NUDT19: variants seen among roughly 807,000 people sequenced by gnomAD.
NUDT19 encodes acyl-coenzyme A diphosphatase NUDT19.
A neutral mutation model predicts 22.2 loss-of-function variants in NUDT19; 31 were observed. That is an observed-to-expected ratio of 1.40 (90% CI 1.05 to 1.89). The LOEUF is 1.89. NUDT19 is among the 40% of genes most tolerant of loss of function. The pLI is 0.00. For synonymous variants in NUDT19, 325 were observed against 230.8 expected (o/e 1.41, Z -3.70); for missense variants, 752 against 514.2 (o/e 1.46, Z -4.47).
intron 1 of NUDT19, among the ~76,000 whole-genome samples, chr19:32,703,159 G>A (rs908927437): frequency 2.6e-5 from 4 of 151,076 alleles, no homozygotes; most frequent in African/African-American, 4.9e-5. Context: ...ACGCCACCAC[G>A]CCCAGCTGAT....
At chr19:32,701,791 G>T (rs1298765281) in intron 1 of NUDT19, among the ~76,000 whole-genome samples, 7 of 152,228 alleles carry the variant, frequency 4.6e-5, no homozygotes, top group Admixed American at 2.0e-4. Context: ...TAGCCCCTCT[G>T]ACTTTCTTTT....
At chr19:32,696,667 G>A (rs1968267469) in intron 1 of NUDT19, among the ~76,000 whole-genome samples, 1 of 152,152 alleles carries the variant, frequency 6.6e-6, no homozygotes, top group Admixed American at 6.6e-5. Flanking sequence ...GGACTTTCAG[G>A]CATAACAAGA....
At chr19:32,709,122 T>G (rs1968418385) in intron 1 of NUDT19, 63 bp from the exon 2 acceptor site, 4 of 1,102,992 alleles carry the variant, frequency 3.6e-6, no homozygotes, top group Non-Finnish European at 4.2e-6. Flanking sequence ...CTGGTCTGAC[T>G]GTCTCAAGTC....
chr19:32,692,567 C>T lies in NUDT19; in HGVS notation c.607C>T (p.Pro203Ser), dbSNP rs1968207703. Residue 203 changes from proline (P) to serine (S), a missense_variant, in exon 1 of 3, where the codon CCT becomes TCT. Physicochemically the swap from Pro to Ser is moderately conservative, Grantham distance 74 (BLOSUM62 -1). Coordinates refer to ENST00000397061, the MANE Select transcript of NUDT19 (RefSeq NM_001105570.2). ...GCACAACTGGAGCGCCTGGCTCACC[C>T]CTTTCTTGCGGGGCACCACTCGCCG... ...ALHNWSAWLTPFLRGTTRRFD... is the reference protein window; with the variant it reads ...ALHNWSAWLTSFLRGTTRRFD... 1.3e-6 allele frequency: 2 copies of T among 1,597,374 alleles called. No homozygotes were observed. The highest frequency in any genetic ancestry group is 1.7e-6 in the Non-Finnish European group (2 of 1,173,980).
At position 32,700,591 on chromosome 19, in the gene NUDT19, G is replaced by T. The variant is rs912329162; in HGVS notation, c.714+7917G>T. Among the ~76,000 whole-genome samples the T allele has an allele frequency of 2.6e-5, 4 of 152,144 alleles. No homozygotes were observed. In the East Asian group the frequency reaches 7.7e-4, roughly 29 times the overall value. On this transcript the variant is annotated intron_variant, in intron 1 of 2. Transcript: ENST00000397061. ...CCCACAGGCACCTGCAACCACGCTT[G>T]GCTAATTGTTTTATTTTTTGTAGAG... is the stretch of plus-strand genomic sequence containing the variant.
At chr19:32,704,891 G>A (rs1968371409) in intron 1 of NUDT19, among the ~76,000 whole-genome samples, 1 of 151,594 alleles carries the variant, frequency 6.6e-6, no homozygotes, top group Non-Finnish European at 1.5e-5. Flanking sequence ...TAGATCACCT[G>A]AGGTCAGAAG....
rs1968420011 is a variant in NUDT19 at position 32,709,241 on chromosome 19, AC to A, written c.776del (p.Pro259HisfsTer6). ...SFLSKEIWLPPPQFYEVRRLA... is the reference protein window; with the variant it reads ...SFLSKEIWLPXPQFYEVRRLA... The stretch of plus-strand genomic sequence containing the variant: ...TCTTATCAAAAGAAATTTGGTTGCC[AC>A]CCCCACAGTTCTACGAAGTGAGAAG... On this transcript the variant is annotated frameshift_variant, in exon 2 of 3. Transcript: ENST00000397061. LOFTEE classifies it high-confidence loss of function. The A allele has an allele frequency of 1.9e-6, 3 of 1,614,092 alleles. No individual in the cohort carries two copies. Among genetic ancestry groups the A allele is most frequent in the South Asian group, 2.2e-5 (2 of 91,082 alleles).
intron 2 of NUDT19, among the ~76,000 whole-genome samples, chr19:32,710,930 GA>G (rs1968440812): frequency 6.6e-6 from 1 of 152,000 alleles, no homozygotes; most frequent in African/African-American, 2.4e-5. Flanking sequence ...CCTACAGTGG[GA>G]AAATTTAGCA....
chr19:32,692,344 C>T lies in NUDT19; in HGVS notation c.384C>T (p.Ala128=). The T allele has an allele frequency of 6.3e-7, 1 of 1,591,174 alleles. No individual in the cohort carries two copies. The highest frequency in any genetic ancestry group is 8.5e-7 in the Non-Finnish European group (1 of 1,176,720). Residue 128 remains alanine (A), a synonymous_variant, in exon 1 of 3, where the codon GCC becomes GCT. Coordinates refer to ENST00000397061, the MANE Select transcript of NUDT19 (RefSeq NM_001105570.2). ...AGGACGTAGCCTTCCGCATCTGCGC[C>T]GTGCGGGAGGCCTTTGAGGAGGCGG... ...LPEDVAFRIC[A]VREAFEEAGV... is the part of the protein sequence containing the mutation.
rs772816501 is a variant in NUDT19 at position 32,711,843 on chromosome 19, G to A, written c.1014G>A (p.Gln338=). ...AGGAAATCATGAAGGAAGGCAAGCA[G>A]TTTCACCGGATAGTGACATACCATC... ...KTEEIMKEGK[Q]FHRIVTYHRH... is the part of the protein sequence containing the mutation. The change falls in exon 3 of 3, where the codon CAG becomes CAA. Residue 338 remains glutamine, a synonymous_variant. Coordinates refer to ENST00000397061, the MANE Select transcript of NUDT19 (RefSeq NM_001105570.2). 5 of 1,613,668 alleles carry A rather than the reference G, an allele frequency of 3.1e-6. No individual in the cohort carries two copies. The East Asian group carries it at 8.9e-5, about 29-fold the overall frequency.
Position 32,691,980 on chromosome 19 carries a change from CG to C in NUDT19, c.23del (p.Gly8AlafsTer115). ...CGCGCCATGAGCAGCTCCCTGCGGC[CG>C]GGCCCCAGCCGCTGGCGGCGGGCGG... MSSSLRPGPSRWRRAAS... is the reference protein window; with the variant it reads MSSSLRXGPSRWRRAAS... On this transcript the variant is annotated frameshift_variant, in exon 1 of 3. Coordinates refer to ENST00000397061, the MANE Select transcript of NUDT19 (RefSeq NM_001105570.2). LOFTEE classifies it high-confidence loss of function. The C allele has an allele frequency of 1.6e-6, 2 of 1,232,794 alleles. No homozygotes were observed. Among genetic ancestry groups the C allele is most frequent in the Non-Finnish European group, 1.0e-6 (1 of 990,042 alleles). 76.4% of individuals were successfully genotyped at this position (1,232,794 alleles called of 1,614,324 possible). A position where few individuals can be genotyped will look rare whatever the true frequency, so the allele number is the denominator to read the frequency against.
intron 1 of NUDT19, among the ~76,000 whole-genome samples, chr19:32,698,277 G>A (rs1032167175): frequency 3.3e-5 from 5 of 152,116 alleles, no homozygotes; most frequent in Non-Finnish European, 7.4e-5. Flanking sequence ...GAGAAATTGG[G>A]GCCAGGCTGT....
At chr19:32,707,903 A>G (rs891586920) in intron 1 of NUDT19, among the ~76,000 whole-genome samples, 11 of 151,250 alleles carry the variant, frequency 7.3e-5, no homozygotes, top group Admixed American at 6.6e-4. Flanking sequence ...GCATGAACCC[A>G]GGAGGCAGAG....
At chr19:32,695,565 C>T (rs923492444) in intron 1 of NUDT19, among the ~76,000 whole-genome samples, 3 of 152,200 alleles carry the variant, frequency 2.0e-5, no homozygotes, top group African/African-American at 7.2e-5. Flanking sequence ...CTCTTCCTCT[C>T]TTTCCTTCTG....
At chr19:32,698,414 G>C (rs539987407) in intron 1 of NUDT19, among the ~76,000 whole-genome samples, 1 of 152,044 alleles carries the variant, frequency 6.6e-6, no homozygotes, top group Admixed American at 6.6e-5. Flanking sequence ...AGACAAAACC[G>C]CCTGTGGTTT....
intron 1 of NUDT19, among the ~76,000 whole-genome samples, chr19:32,699,877 G>A (rs952076338): frequency 6.6e-6 from 1 of 152,232 alleles, no homozygotes; most frequent in South Asian, 2.1e-4. Flanking sequence ...AGTTTCTTTC[G>A]TTGGGTTCGT....
Position 32,711,968 on chromosome 19 carries a change from C to G in NUDT19, c.*11C>G. 6.3e-7 allele frequency: 1 copy of G among 1,581,856 alleles called. No individual in the cohort carries two copies. Among genetic ancestry groups the G allele is most frequent in the Non-Finnish European group, 8.7e-7 (1 of 1,152,038 alleles). ...AAAAGCCATTTGTAGGGTGCTTAAGCTTGTTTGTAAAATGGCCTACTTGAA... is the reference window on the plus strand; with the variant it reads ...AAAAGCCATTTGTAGGGTGCTTAAGGTTGTTTGTAAAATGGCCTACTTGAA... On this transcript the variant is annotated 3_prime_UTR_variant, in exon 3 of 3. Coordinates refer to ENST00000397061, the MANE Select transcript of NUDT19 (RefSeq NM_001105570.2).
chr19:32,692,608 C>T lies in NUDT19; in HGVS notation c.648C>T (p.Phe216=), dbSNP rs370701919. Residue 216 remains phenylalanine, a synonymous_variant, in exon 1 of 3, where the codon TTC becomes TTT. Coordinates refer to ENST00000397061, the MANE Select transcript of NUDT19 (RefSeq NM_001105570.2). Reference sequence around the variant, plus strand: ...CCACTCGCCGCTTTGACACGGCCTTCTTCCTGTGCTGCCTGCGCGAGCCGC... The same window carrying T: ...CCACTCGCCGCTTTGACACGGCCTTTTTCCTGTGCTGCCTGCGCGAGCCGC... ...RGTTRRFDTA[F]FLCCLREPPP... The T allele has an allele frequency of 1.0e-4, 156 of 1,560,534 alleles. No homozygotes were observed. The highest frequency in any genetic ancestry group is 1.3e-4 in the Non-Finnish European group (155 of 1,159,098).
chr19:32,708,511 G>T (rs1968412137), intron 1 of NUDT19, among the ~76,000 whole-genome samples: 1 of 152,142 alleles, frequency 6.6e-6, no homozygotes, highest in African/African-American at 2.4e-5. Context: ...TGGAAAGAAG[G>T]CTCAGGAAGG....
Sources: gnomAD v4.1 joint callset for allele counts (sites outside exome capture counted in the v4.1 genomes callset) on GRCh38, gnomAD v4.1.1 for gene constraint, MANE v1.5 for transcripts, NCBI Gene and HGNC (gene_info 2026-07-23, HGNC 2026-07-21) for gene names.